Variants in ROBO2 observed in about 807,000 individuals in gnomAD.
ROBO2 encodes the protein roundabout homolog 2.
A neutral mutation model predicts 160.8 loss-of-function variants in ROBO2; 53 were observed. The observed-to-expected ratio is 0.33, with a 90% CI of 0.26 to 0.41. The LOEUF (loss-of-function observed/expected upper bound fraction) is 0.41. ROBO2 is among the 10% of genes least tolerant of loss of function. ROBO2 has a pLI of 1.00. For synonymous variants in ROBO2, 664 were observed against 611.7 expected, an observed-to-expected ratio of 1.09 and a Z score of -1.26; for missense variants, 1,577 against 1,722.4, an observed-to-expected ratio of 0.92 and a Z score of 1.49.
intron 2 of ROBO2, among the ~76,000 whole-genome samples, chr3:76,816,204 T>C (rs964407379): frequency 2.0e-5 from 3 of 152,118 alleles, no homozygotes; most frequent in African/African-American, 7.2e-5. Context: ...TCTAATGTGG[T>C]GACAAGACAT....
At chr3:77,133,794 C>A (rs548784413) in intron 2 of ROBO2, among the ~76,000 whole-genome samples, 6 of 152,120 alleles carry the variant, frequency 3.9e-5, no homozygotes, top group Middle Eastern at 3.4e-3. Context: ...AGTGTCCTAC[C>A]ATATTTGTTT....
At chr3:76,151,869 T>C (rs181618994) in intron 2 of ROBO2, among the ~76,000 whole-genome samples, 1 of 152,314 alleles carries the variant, frequency 6.6e-6, no homozygotes, top group East Asian at 1.9e-4. Flanking sequence ...TACTTGTGAA[T>C]TCTCATTTTG....
At chr3:76,978,403 C>T (rs72902026) in intron 2 of ROBO2, among the ~76,000 whole-genome samples, 1,565 of 152,012 alleles carry the variant, frequency 0.01, 26 homozygotes, top group African/African-American at 0.035. Context: ...CCTTTATTTG[C>T]GCAGAAGAAA....
chr3:77,396,329 T>C (rs1301409082), intron 2 of ROBO2, among the ~76,000 whole-genome samples: 1 of 152,102 alleles, frequency 6.6e-6, no homozygotes, highest in Admixed American at 6.6e-5. Flanking sequence ...TCAAATAAAT[T>C]TATTTCTTTC....
chr3:76,002,324 C>T (rs533950225), intron 2 of ROBO2, among the ~76,000 whole-genome samples: 1 of 152,264 alleles, frequency 6.6e-6, no homozygotes, highest in East Asian at 1.9e-4. Flanking sequence ...TATGGTTTGG[C>T]TGTGTCCCCA....
intron 2 of ROBO2, among the ~76,000 whole-genome samples, chr3:76,202,199 C>T (rs1355030562): frequency 6.6e-6 from 1 of 152,168 alleles, no homozygotes; most frequent in African/African-American, 2.4e-5. Context: ...TGTTCTGTCT[C>T]ACTTGAATGA....
intron 2 of ROBO2, among the ~76,000 whole-genome samples, chr3:75,946,321 A>G (rs917052918): frequency 1.3e-5 from 2 of 152,078 alleles, no homozygotes; most frequent in Admixed American, 6.6e-5. Flanking sequence ...ATTAGCATAT[A>G]CATGTAGTCA....
chr3:77,550,980 G>T, exon 8 of ROBO2: 5 of 1,612,572 alleles, frequency 3.1e-6, no homozygotes, highest in Non-Finnish European at 4.2e-6. Context: ...TCAACTGGAG[G>T]TTACTGATGG....
chr3:77,016,121 C>A (rs1057064520), intron 2 of ROBO2, among the ~76,000 whole-genome samples: 5 of 152,020 alleles, frequency 3.3e-5, no homozygotes, highest in Non-Finnish European at 7.4e-5. Context: ...GGACTACAGG[C>A]GCCCGCCACC....
intron 2 of ROBO2, among the ~76,000 whole-genome samples, chr3:77,454,982 A>T (rs959536577): frequency 6.6e-6 from 1 of 152,174 alleles, no homozygotes; most frequent in Non-Finnish European, 1.5e-5. Context: ...AGTGGCTTAA[A>T]CTAGGAGATG....
At chr3:76,092,696 C>G (rs977518325) in intron 2 of ROBO2, among the ~76,000 whole-genome samples, 13 of 152,126 alleles carry the variant, frequency 8.5e-5, no homozygotes, top group Non-Finnish European at 8.8e-5. Flanking sequence ...CAGCTACATA[C>G]TTTGTAAAAT....
chr3:77,476,662 T>C (rs1560944781), intron 2 of ROBO2, among the ~76,000 whole-genome samples: 1 of 152,032 alleles, frequency 6.6e-6, no homozygotes, highest in Non-Finnish European at 1.5e-5. Flanking sequence ...CACAAGTAGA[T>C]AGATAGGTGA....
intron 2 of ROBO2, among the ~76,000 whole-genome samples, chr3:76,220,926 T>G (rs948180172): frequency 6.6e-6 from 1 of 152,174 alleles, no homozygotes; most frequent in Non-Finnish European, 1.5e-5. Flanking sequence ...TTGTAGAACT[T>G]GCAGGGTGGT....
At chr3:77,408,837 G>T (rs1280307043) in intron 2 of ROBO2, among the ~76,000 whole-genome samples, 1 of 151,872 alleles carries the variant, frequency 6.6e-6, no homozygotes, top group Admixed American at 6.6e-5. Context: ...GGATCTTCCT[G>T]CCTCAGCCTC....
At chr3:77,571,253 C>G (rs2093630498) in intron 13 of ROBO2, among the ~76,000 whole-genome samples, 1 of 151,888 alleles carries the variant, frequency 6.6e-6, no homozygotes, top group East Asian at 1.9e-4. Flanking sequence ...TGAATTTTTG[C>G]TTTATATTGA....
At chr3:76,985,895 T>C (rs1377666395) in intron 2 of ROBO2, among the ~76,000 whole-genome samples, 2 of 152,212 alleles carry the variant, frequency 1.3e-5, no homozygotes, top group East Asian at 3.9e-4. Context: ...CATGTGGTCA[T>C]TAATTTTGTT....
intron 2 of ROBO2, among the ~76,000 whole-genome samples, chr3:76,793,152 T>C (rs1392978096): frequency 6.6e-6 from 1 of 151,804 alleles, no homozygotes; most frequent in Non-Finnish European, 1.5e-5. Context: ...TAAGACTGTA[T>C]TTATAATATT....
At chr3:76,079,584 A>G (rs941874205) in intron 2 of ROBO2, among the ~76,000 whole-genome samples, 7 of 151,516 alleles carry the variant, frequency 4.6e-5, no homozygotes, top group African/African-American at 7.3e-5. Flanking sequence ...CCCGGGTTCA[A>G]GCAATTCTCC....
At chr3:77,017,449 T>G (rs1319188766) in intron 2 of ROBO2, among the ~76,000 whole-genome samples, 1 of 152,216 alleles carries the variant, frequency 6.6e-6, no homozygotes, top group South Asian at 2.1e-4. Context: ...GTATATTAAG[T>G]AGATTGGACA....
Sources: gnomAD v4.1 joint callset for allele counts (sites outside exome capture counted in the v4.1 genomes callset) on GRCh38, gnomAD v4.1.1 for gene constraint, MANE v1.5 for transcripts, NCBI Gene and HGNC (gene_info 2026-07-23, HGNC 2026-07-21) for gene names.